Variants in KANSL1 observed in about 807,000 individuals in gnomAD.
KANSL1 encodes KAT8 regulatory NSL complex subunit 1, also known as MLL1/MLL complex subunit KANSL1.
Under a neutral mutation model 103.6 loss-of-function variants are expected in KANSL1, and 22 were observed. That is an observed-to-expected ratio of 0.21 (90% CI 0.15 to 0.30). The LOEUF (loss-of-function observed/expected upper bound fraction) is 0.30. KANSL1 is among the 10% of genes least tolerant of loss of function. KANSL1 has a pLI of 1.00. For synonymous variants in KANSL1, 600 were observed against 527.6 expected, an observed-to-expected ratio of 1.14 and a Z score of -1.88; for missense variants, 1,337 against 1,399.8, an observed-to-expected ratio of 0.96 and a Z score of 0.72.
intron 2 of KANSL1, among the ~76,000 whole-genome samples, chr17:46,141,149 G>T (rs141715682): frequency 6.6e-6 from 1 of 151,616 alleles, no homozygotes; most frequent in Non-Finnish European, 1.5e-5. Flanking sequence ...AGTTATGTAA[G>T]AACTAAACAT....
rs17574425 is a variant in KANSL1, at chr17:46,031,822, C to G, written c.3091-119G>C. 0.18 allele frequency: 196,312 copies of G among 1,090,088 alleles called. 20,849 individuals are homozygous for G. The highest frequency in any genetic ancestry group is 0.22 in the Non-Finnish European group (164,860 of 757,172). The allele number at this position is 1,090,088 out of a possible 1,614,324, so 67.5% of individuals were successfully genotyped here. On this transcript the variant is annotated intron_variant, in intron 14 of 14. Transcript: ENST00000432791. Reference sequence around the variant, plus strand: ...AGGACCAGTCTATCTAGTGTTCCTGCGACAGTCTGGGAACACCCCTCCTAG... The same window carrying G: ...AGGACCAGTCTATCTAGTGTTCCTGGGACAGTCTGGGAACACCCCTCCTAG...
intron 1 of KANSL1, among the ~76,000 whole-genome samples, chr17:46,189,606 A>G (rs2732590): frequency 0.14 from 21,963 of 152,212 alleles, 2,137 homozygotes; most frequent in Non-Finnish European, 0.22. Flanking sequence ...GTCTAGGCTA[A>G]GCGTAGTGGT....
intron 6 of KANSL1, among the ~76,000 whole-genome samples, chr17:46,062,134 A>AC (rs1555743505): frequency 0.16 from 21,398 of 131,152 alleles, 3,051 homozygotes; most frequent in South Asian, 0.32. Context: ...AAAAAAAAAA[A>AC]CATGTTACAG....
chr17:46,036,570 A>C (rs2077156189), intron 10 of KANSL1, among the ~76,000 whole-genome samples: 1 of 152,242 alleles, frequency 6.6e-6, no homozygotes, highest in African/African-American at 2.4e-5. Flanking sequence ...TGGGATTTAA[A>C]GCATACACAT....
At chr17:46,182,604 T>G (rs540868141) in intron 1 of KANSL1, among the ~76,000 whole-genome samples, 1 of 152,352 alleles carries the variant, frequency 6.6e-6, no homozygotes, top group African/African-American at 2.4e-5. Context: ...GCAGGATAGG[T>G]TATTACAAAT....
At chr17:46,188,213 C>T (rs1319621287) in intron 1 of KANSL1, among the ~76,000 whole-genome samples, 2 of 152,248 alleles carry the variant, frequency 1.3e-5, no homozygotes, top group Non-Finnish European at 2.9e-5. Flanking sequence ...CCTTCAAACG[C>T]TGGTGAACTC....
intron 3 of KANSL1, among the ~76,000 whole-genome samples, chr17:46,083,929 G>C (rs2079068629): frequency 6.6e-6 from 1 of 152,032 alleles, no homozygotes; most frequent in Admixed American, 6.6e-5. Context: ...AAACCAATAT[G>C]AAATACAAGC....
intron 4 of KANSL1, among the ~76,000 whole-genome samples, chr17:46,071,749 C>T (rs910687339): frequency 6.6e-6 from 1 of 152,182 alleles, no homozygotes; most frequent in Non-Finnish European, 1.5e-5. Context: ...TTAAGACTCT[C>T]CTACCTAGAA....
intron 7 of KANSL1, 58 bp from the exon 8 acceptor site, chr17:46,039,942 A>ACCG: frequency 1.3e-6 from 2 of 1,483,574 alleles, no homozygotes; most frequent in Admixed American, 1.7e-5. Flanking sequence ...TCTAGTGTTC[A>ACCG]AGACCTACAC....
chr17:46,040,208 T>A (rs1302114448), intron 7 of KANSL1: 5 of 349,964 alleles, frequency 1.4e-5, no homozygotes, highest in African/African-American at 2.1e-5. Flanking sequence ...TCTAGAGATT[T>A]AAAAACATAT....
chr17:46,129,965 C>T (rs776501046), intron 2 of KANSL1, among the ~76,000 whole-genome samples: 2 of 152,032 alleles, frequency 1.3e-5, no homozygotes, highest in Non-Finnish European at 2.9e-5. Flanking sequence ...ACAGGCAGAT[C>T]ATTTGAGCCC....
intron 2 of KANSL1, among the ~76,000 whole-genome samples, chr17:46,152,603 G>T: frequency 6.6e-6 from 1 of 150,836 alleles, no homozygotes; most frequent in Non-Finnish European, 1.5e-5. Flanking sequence ...GGATTTCAGA[G>T]ATTTATTTAG....
chr17:46,039,265 T>C lies in KANSL1; in HGVS notation c.2204-50A>G, dbSNP rs1470826878. 3 of 1,486,066 alleles carry C rather than the reference T, an allele frequency of 2.0e-6. No individual in the cohort carries two copies. The South Asian group carries it at 4.2e-5, about 21-fold the overall frequency. The allele number at this position is 1,486,066 out of a possible 1,614,324, so 92.1% of individuals were successfully genotyped here. A position where few individuals can be genotyped will look rare whatever the true frequency, so the allele number is the denominator to read the frequency against. On this transcript the variant is annotated intron_variant, in intron 8 of 14. Coordinates refer to ENST00000432791, the MANE Select transcript of KANSL1 (RefSeq NM_015443.4). ...CTGTGAAATATGTCCTCTCAAATAT[T>C]TTCTTATTCGAGTTCCAAGCTCTCG... is the stretch of plus-strand genomic sequence containing the variant.
chr17:46,137,517 T>C (rs1486657036), intron 2 of KANSL1, among the ~76,000 whole-genome samples: 1 of 152,224 alleles, frequency 6.6e-6, no homozygotes, highest in Non-Finnish European at 1.5e-5. Context: ...ACCCCCTCGA[T>C]ACAATTGTCA....
chr17:46,200,744 AAT>A (rs66498281), intron 1 of KANSL1, among the ~76,000 whole-genome samples: 21,893 of 149,956 alleles, frequency 0.15, 2,126 homozygotes, highest in Middle Eastern at 0.22. Flanking sequence ...TCTGTCTCAA[AAT>A]ATATATATAT....
chr17:46,046,076 A>ATT (rs1170538728), intron 7 of KANSL1: 1 of 152,178 alleles, frequency 6.6e-6, no homozygotes, highest in Non-Finnish European at 1.5e-5. Context: ...TCCTCTTAAT[A>ATT]ATCTGTCTGG....
intron 2 of KANSL1, among the ~76,000 whole-genome samples, chr17:46,129,959 G>C (rs2043767906): frequency 6.6e-6 from 1 of 152,046 alleles, no homozygotes; most frequent in African/African-American, 2.4e-5. Flanking sequence ...GCCGACACAG[G>C]CAGATCATTT....
chr17:46,214,643 G>A (rs2048283763), intron 1 of KANSL1, among the ~76,000 whole-genome samples: 1 of 151,778 alleles, frequency 6.6e-6, no homozygotes, highest in Admixed American at 6.6e-5. Flanking sequence ...AACAAAGAGC[G>A]AAATTCCGTC....
chr17:46,165,818 A>G (rs1462450184), intron 2 of KANSL1, among the ~76,000 whole-genome samples: 1 of 152,142 alleles, frequency 6.6e-6, no homozygotes, highest in Non-Finnish European at 1.5e-5. Context: ...ACCAAAAGCA[A>G]CAATATAGAA....
Sources: allele counts gnomAD v4.1 joint callset (sites outside exome capture counted in the v4.1 genomes callset), GRCh38; gene constraint gnomAD v4.1.1; transcripts MANE v1.5; gene names NCBI Gene and HGNC (gene_info 2026-07-23, HGNC 2026-07-21).